FHIT: variants seen among roughly 807,000 people sequenced by gnomAD.
FHIT encodes the protein bis(5'-adenosyl)-triphosphatase.
In FHIT, 19 loss-of-function variants were observed where a neutral mutation model predicts 17.9. The observed-to-expected ratio is 1.06, with a 90% confidence interval of 0.74 to 1.56. The LOEUF (loss-of-function observed/expected upper bound fraction) is 1.56, where lower values mean the gene tolerates loss of function less well. FHIT is among the 40% of genes most tolerant of loss of function. FHIT has a pLI of 0.00. For missense variants in FHIT, 248 were observed against 189.2 expected (o/e 1.31, Z -1.82); for synonymous variants, 81 against 69.7 (o/e 1.16, Z -0.81).
chr3:61,055,501 AC>A (rs1159726704), intron 2 of FHIT, among the ~76,000 whole-genome samples: 1 of 152,180 alleles, frequency 6.6e-6, no homozygotes, highest in Non-Finnish European at 1.5e-5. Context: ...CTATCCACTG[AC>A]CCTCATCAAG....
intron 4 of FHIT, among the ~76,000 whole-genome samples, chr3:60,757,816 T>A (rs1017530496): frequency 1.7e-4 from 26 of 152,292 alleles, no homozygotes; most frequent in African/African-American, 6.3e-4. Flanking sequence ...GGTTTTATTT[T>A]GGCTGCCATG....
Position 60,421,645 on chromosome 3 carries a change from CATT to C in FHIT, c.103+115212_103+115214del, listed in dbSNP as rs935788923. Among the ~76,000 whole-genome samples the C allele has an allele frequency of 3.9e-4, 60 of 151,992 alleles. 1 individual carries two copies. The highest frequency in any genetic ancestry group is 2.7e-3 in the Admixed American group (41 of 15,264). ...GTATTATGATATTTATTACATAAAG[CATT>C]ATTATAATAAAATCTCAGTACCACC... On this transcript the variant is annotated intron_variant, in intron 5 of 9. Coordinates refer to ENST00000492590, the MANE Select transcript of FHIT (RefSeq NM_002012.4).
At chr3:61,011,263 T>C (rs190942925) in intron 3 of FHIT, among the ~76,000 whole-genome samples, 246 of 152,324 alleles carry the variant, frequency 1.6e-3, no homozygotes, top group Non-Finnish European at 3.0e-3. Context: ...ACAAATTTCA[T>C]TGTAGAAACG....
At chr3:60,749,733 A>C (rs868947337) in intron 4 of FHIT, among the ~76,000 whole-genome samples, 2 of 152,224 alleles carry the variant, frequency 1.3e-5, no homozygotes, top group South Asian at 4.1e-4. Context: ...GAAAGTGATC[A>C]GTGCAGGAAA....
At chr3:60,858,299 T>C (rs1703469238) in intron 3 of FHIT, among the ~76,000 whole-genome samples, 1 of 151,992 alleles carries the variant, frequency 6.6e-6, no homozygotes, top group Non-Finnish European at 1.5e-5. Flanking sequence ...TTTTAAGCAG[T>C]AAAATTAGAA....
intron 8 of FHIT, among the ~76,000 whole-genome samples, chr3:59,902,187 G>A (rs569384241): frequency 9.8e-4 from 149 of 152,172 alleles, no homozygotes; most frequent in African/African-American, 3.5e-3. Context: ...ATAGCCAACA[G>A]GTTTATAAAA....
chr3:60,975,043 A>G (rs559957179), intron 3 of FHIT, among the ~76,000 whole-genome samples: 1 of 152,310 alleles, frequency 6.6e-6, no homozygotes, highest in Non-Finnish European at 1.5e-5. Context: ...TGGTAGCTGT[A>G]AGTAATATTC....
At chr3:59,789,154 C>T (rs1699443560) in intron 8 of FHIT, among the ~76,000 whole-genome samples, 1 of 152,090 alleles carries the variant, frequency 6.6e-6, no homozygotes, top group Non-Finnish European at 1.5e-5. Context: ...TGCTGAAGAT[C>T]CATTAGGGAC....
At chr3:60,947,782 T>C (rs1553776092) in intron 3 of FHIT, among the ~76,000 whole-genome samples, 1 of 152,196 alleles carries the variant, frequency 6.6e-6, no homozygotes, top group Non-Finnish European at 1.5e-5. Context: ...ACCCAAGGAC[T>C]ATTTACTCAA....
chr3:61,060,050 G>A (rs1490036345), intron 2 of FHIT, among the ~76,000 whole-genome samples: 1 of 152,090 alleles, frequency 6.6e-6, no homozygotes, highest in Non-Finnish European at 1.5e-5. Context: ...CCTGTCCAGG[G>A]TGAGTTCCCA....
intron 4 of FHIT, among the ~76,000 whole-genome samples, chr3:60,563,094 A>G (rs2037010670): frequency 6.6e-6 from 1 of 152,118 alleles, no homozygotes. Context: ...TGGAGCAGTG[A>G]CTCTGGGTGC....
chr3:60,530,749 T>G (rs1458029783), intron 5 of FHIT, among the ~76,000 whole-genome samples: 2 of 152,204 alleles, frequency 1.3e-5, no homozygotes, highest in Non-Finnish European at 1.5e-5. Context: ...ACAGCAAGTT[T>G]GTCTTACAAT....
At chr3:60,280,746 T>C (rs917496724) in intron 5 of FHIT, among the ~76,000 whole-genome samples, 1 of 152,110 alleles carries the variant, frequency 6.6e-6, no homozygotes, top group Non-Finnish European at 1.5e-5. Flanking sequence ...CTGTAATAAT[T>C]TGATATAGCA....
chr3:60,535,267 C>T (rs573031707), intron 5 of FHIT, among the ~76,000 whole-genome samples: 1 of 152,200 alleles, frequency 6.6e-6, no homozygotes, highest in Admixed American at 6.5e-5. Flanking sequence ...TCTGTGACCT[C>T]TAATTTTCAT....
At chr3:60,394,702 G>C (rs1057166306) in intron 5 of FHIT, among the ~76,000 whole-genome samples, 6 of 152,152 alleles carry the variant, frequency 3.9e-5, no homozygotes, top group Admixed American at 2.6e-4. Flanking sequence ...AATTAAGTGA[G>C]TTGATACATA....
chr3:60,600,381 A>G (rs1576950047), intron 4 of FHIT, among the ~76,000 whole-genome samples: 1 of 152,206 alleles, frequency 6.6e-6, no homozygotes, highest in East Asian at 1.9e-4. Flanking sequence ...AAAATAGTGC[A>G]TCTGTCATAA....
At chr3:60,887,531 G>A (rs13068391) in intron 3 of FHIT, among the ~76,000 whole-genome samples, 38,810 of 151,708 alleles carry the variant, frequency 0.26, 5,718 homozygotes, top group African/African-American at 0.39. Flanking sequence ...CTGTAATCCC[G>A]GCTACTCAAG....
chr3:60,862,302 A>G (rs1703949103), intron 3 of FHIT, among the ~76,000 whole-genome samples: 1 of 151,812 alleles, frequency 6.6e-6, no homozygotes, highest in African/African-American at 2.4e-5. Context: ...ACTAGCTAGG[A>G]CTATAGGTTT....
intron 4 of FHIT, among the ~76,000 whole-genome samples, chr3:60,791,552 A>G (rs1700776535): frequency 6.6e-6 from 1 of 152,222 alleles, no homozygotes; most frequent in African/African-American, 2.4e-5. Context: ...AACATGCAAC[A>G]TGCTTTGGAA....
Sources: allele counts gnomAD v4.1 joint callset (sites outside exome capture counted in the v4.1 genomes callset), GRCh38; gene constraint gnomAD v4.1.1; transcripts MANE v1.5; gene names NCBI Gene and HGNC (gene_info 2026-07-23, HGNC 2026-07-21).